The following SSH1 variants were observed in gnomAD, a reference collection of about 807,000 sequenced individuals.
SSH1 encodes slingshot protein phosphatase 1.
Under a neutral mutation model 79.7 loss-of-function variants are expected in SSH1, and 43 were observed. That is an observed-to-expected ratio of 0.54 (90% CI 0.42 to 0.70). The LOEUF (loss-of-function observed/expected upper bound fraction) is 0.70, where lower values mean the gene tolerates loss of function less well. SSH1 is among the 30% of genes least tolerant of loss of function. SSH1 has a pLI of 0.00. For missense variants in SSH1, 1,206 were observed against 1,358.8 expected (o/e 0.89, Z 1.77); for synonymous variants, 599 against 538.3 (o/e 1.11, Z -1.56).
intron 13 of SSH1, among the ~76,000 whole-genome samples, chr12:108,796,562 A>G (rs1177305208): frequency 3.3e-5 from 5 of 152,120 alleles, no homozygotes; most frequent in African/African-American, 1.2e-4. Flanking sequence ...ATCCCATTGT[A>G]TGAATATGTC....
intron 2 of SSH1, among the ~76,000 whole-genome samples, chr12:108,845,612 G>C (rs372062858): frequency 2.0e-5 from 3 of 152,174 alleles, no homozygotes; most frequent in Non-Finnish European, 4.4e-5. Flanking sequence ...GCTTGAACCC[G>C]GGAGGCGGAG....
At chr12:108,821,097 T>A (rs1055117988) in intron 3 of SSH1, among the ~76,000 whole-genome samples, 1 of 152,236 alleles carries the variant, frequency 6.6e-6, no homozygotes, top group Non-Finnish European at 1.5e-5. Flanking sequence ...ACGAAGAATC[T>A]GGCTGAGTAT....
intron 2 of SSH1, among the ~76,000 whole-genome samples, chr12:108,830,345 G>C (rs921900157): frequency 1.8e-4 from 28 of 152,098 alleles, no homozygotes; most frequent in African/African-American, 6.8e-4. Flanking sequence ...CCAGCTTCTT[G>C]GGAAGCTGAG....
At chr12:108,837,272 CAAAG>C (rs906297981) in intron 2 of SSH1, among the ~76,000 whole-genome samples, 4 of 151,994 alleles carry the variant, frequency 2.6e-5, no homozygotes, top group Non-Finnish European at 5.9e-5. Flanking sequence ...CCACAAGAGT[CAAAG>C]AAAGACTGAG....
intron 6 of SSH1, among the ~76,000 whole-genome samples, chr12:108,811,008 G>C (rs1196303336): frequency 6.6e-6 from 1 of 152,210 alleles, no homozygotes; most frequent in African/African-American, 2.4e-5. Flanking sequence ...CCGCTGTCTT[G>C]AACTTCACAC....
chr12:108,829,453 G>C (rs1652825026), intron 2 of SSH1, among the ~76,000 whole-genome samples: 1 of 152,160 alleles, frequency 6.6e-6, no homozygotes, highest in African/African-American at 2.4e-5. Flanking sequence ...ATTCCTTACA[G>C]GGTTCTGTTC....
rs755332429 is a variant in SSH1, at chr12:108,823,296, T to C, written c.176A>G (p.Gln59Arg). ...GGGGTGCTGAAGACTCCGCTGGCCT[T>C]GAGGGCTGCTTCCCTGTTGTAAGAA... ...ALFLQQGSSPQGQRSLQHPHK... is the reference protein window; with the variant it reads ...ALFLQQGSSPRGQRSLQHPHK... Residue 59 changes from glutamine (Q) to arginine (R), a missense_variant, in exon 3 of 15, where the codon CAA becomes CGA. By Grantham distance (43) the Gln-to-Arg change is conservative. Around this residue, in one of 5 missense-constraint regions of SSH1, gnomAD observed 100 missense variants for 82.3 expected, o/e 1.21. Transcript: ENST00000326495. 14 of 1,590,240 alleles carry C rather than the reference T, an allele frequency of 8.8e-6. No individual in the cohort carries two copies. The South Asian group carries it at 1.5e-4, about 17-fold the overall frequency.
In SSH1 at chr12:108,799,836, C is replaced by T. The variant is rs530565992; in HGVS notation, c.1149-636G>A. Among the ~76,000 whole-genome samples the T allele has an allele frequency of 1.6e-4, 24 of 152,240 alleles. 1 individual carries two copies. Among genetic ancestry groups the T allele is most frequent in the Non-Finnish European group, 2.9e-4 (20 of 68,016 alleles). ...CCTGGCTGATTTACCAGATATGGCC[C>T]AGGAGACAGTGTTTCTTTAAGTATC... On this transcript the variant is annotated intron_variant, in intron 12 of 14. Transcript: ENST00000326495.
intron 3 of SSH1, among the ~76,000 whole-genome samples, chr12:108,819,005 C>G (rs956865782): frequency 2.0e-5 from 3 of 152,174 alleles, no homozygotes; most frequent in African/African-American, 7.2e-5. Context: ...CTGCACGCCT[C>G]AGCCTCCCAA....
In SSH1 at chr12:108,823,249, A is replaced by T; in HGVS notation, c.214+9T>A. 6.4e-7 allele frequency: 1 copy of T among 1,569,292 alleles called. No homozygotes were observed. Among genetic ancestry groups the T allele is most frequent in the Non-Finnish European group, 8.7e-7 (1 of 1,154,966 alleles). ...CTCCAATGTAAGAGTATCAACTTAG[A>T]GCCCTCACCTGCATGCTTGTGGGGG... On this transcript the variant is annotated intron_variant, in intron 3 of 14. Transcript: ENST00000326495.
rs1425199690 is a variant in SSH1 at position 108,779,984 on chromosome 12, C to T, written c.*8004G>A. 6.6e-6 allele frequency: 1 copy of T among 152,092 alleles called. No individual in the cohort carries two copies. The highest frequency in any genetic ancestry group is 2.4e-5 in the African/African-American group (1 of 41,414). 9.4% of individuals were successfully genotyped at this position (152,092 alleles called of 1,614,324 possible). On this transcript the variant is annotated 3_prime_UTR_variant, in exon 15 of 15. Coordinates refer to ENST00000326495, the MANE Select transcript of SSH1 (RefSeq NM_018984.4). ...GCCACCGTGCCCAACCCTCTCACCT[C>T]TTTTGAGATATGCATCACAGACCAC...
chr12:108,795,261 A>G (rs2036698241), intron 13 of SSH1, among the ~76,000 whole-genome samples: 1 of 150,716 alleles, frequency 6.6e-6, no homozygotes, highest in Non-Finnish European at 1.5e-5. Flanking sequence ...TTCTTTAAAA[A>G]CTTTTTTTTT....
At chr12:108,792,215 G>A in intron 14 of SSH1, 71 bp downstream of exon 14, 1 of 1,611,786 alleles carries the variant, frequency 6.2e-7, no homozygotes, top group South Asian at 1.1e-5. Context: ...TACTACAGAG[G>A]CTGAGGTAGG....
intron 10 of SSH1, 26 bp from the exon 11 acceptor site, chr12:108,802,394 T>C (rs2037052678): frequency 2.5e-6 from 4 of 1,611,906 alleles, no homozygotes; most frequent in Admixed American, 1.7e-5. Flanking sequence ...CACAAGCTCC[T>C]GTGAGTGTCA....
In SSH1 at chr12:108,807,512, A is replaced by G. The variant is rs1271512058; in HGVS notation, c.731+121T>C. ...TGGTTCTGAGAAAGCTAGGGTTCTC[A>G]CTCAAGGGACTCCAGGGGAGGTGTG... is the stretch of plus-strand genomic sequence containing the variant. On this transcript the variant is annotated intron_variant, in intron 8 of 14. Coordinates refer to ENST00000326495, the MANE Select transcript of SSH1 (RefSeq NM_018984.4). This position sits in a 1 kb window ranked among gnomAD's most constrained non-coding sequence, Gnocchi z 5.2. 10 of 890,220 alleles carry G rather than the reference A, an allele frequency of 1.1e-5. No individual in the cohort carries two copies. The highest frequency in any genetic ancestry group is 1.4e-5 in the Non-Finnish European group (8 of 558,214). The allele number at this position is 890,220 out of a possible 1,614,324, so 55.1% of individuals were successfully genotyped here.
intron 2 of SSH1, among the ~76,000 whole-genome samples, chr12:108,851,857 T>G (rs2039045809): frequency 6.6e-6 from 1 of 152,212 alleles, no homozygotes; most frequent in South Asian, 2.1e-4. Context: ...GGGCAGAGTG[T>G]CATGATTATT....
chr12:108,801,699 A>G (rs577915662), intron 11 of SSH1, among the ~76,000 whole-genome samples: 3 of 151,668 alleles, frequency 2.0e-5, no homozygotes, highest in African/African-American at 7.3e-5. Context: ...TCATCATGTC[A>G]GGCCCACAGA....
At chr12:108,830,398 G>A (rs779815738) in intron 2 of SSH1, among the ~76,000 whole-genome samples, 101 of 152,134 alleles carry the variant, frequency 6.6e-4, no homozygotes, top group Non-Finnish European at 1.0e-3. Flanking sequence ...GCTGCACTGA[G>A]TGGAGATTGT....
intron 2 of SSH1, among the ~76,000 whole-genome samples, chr12:108,828,804 GC>G (rs973261530): frequency 7.9e-5 from 12 of 152,314 alleles, no homozygotes; most frequent in African/African-American, 2.9e-4. Context: ...CCAAGAAGTC[GC>G]TTTCAAGGTA....
Sources: gnomAD v4.1 joint callset for allele counts (sites outside exome capture counted in the v4.1 genomes callset) on GRCh38, gnomAD v4.1.1 for gene constraint, gnomAD v4.1.1 regional missense constraint, Gnocchi (gnomAD v3.1) non-coding constraint, MANE v1.5 for transcripts, NCBI Gene and HGNC (gene_info 2026-07-23, HGNC 2026-07-21) for gene names.